Variants in LINGO1 observed in about 807,000 individuals in gnomAD.
The protein encoded by LINGO1 is leucine rich repeat and Ig domain containing 1, also known as leucine-rich repeat and immunoglobulin-like domain-containing nogo receptor-interacting protein 1.
LINGO1 carries 11 observed loss-of-function variants against 37.3 expected under a neutral mutation model. The ratio of observed to expected loss-of-function variants is 0.29; its 90% CI spans 0.19 to 0.49. The LOEUF (loss-of-function observed/expected upper bound fraction) is 0.49. Ranked by LOEUF, LINGO1 falls within the 20% of genes least tolerant of loss-of-function variation. The pLI is 0.99. For synonymous variants in LINGO1, 387 were observed against 403.0 expected, an observed-to-expected ratio of 0.96 and a Z score of 0.48; for missense variants, 585 against 878.2, an observed-to-expected ratio of 0.67 and a Z score of 4.22.
intron 1 of LINGO1, among the ~76,000 whole-genome samples, chr15:77,810,995 C>T (rs866142545): frequency 6.6e-6 from 1 of 152,106 alleles, no homozygotes; most frequent in African/African-American, 2.4e-5. Context: ...TTGAGTTTCA[C>T]TTCCGATCTG....
At chr15:77,701,989 G>T (rs1460367527) in intron 2 of LINGO1, among the ~76,000 whole-genome samples, 2 of 152,188 alleles carry the variant, frequency 1.3e-5, no homozygotes, top group East Asian at 3.8e-4. Context: ...TGAGAGCTAG[G>T]ACCCAAGCCA....
chr15:77,743,576 G>A (rs1302738499), intron 1 of LINGO1, among the ~76,000 whole-genome samples: 1 of 152,142 alleles, frequency 6.6e-6, no homozygotes, highest in Non-Finnish European at 1.5e-5. Context: ...CACAGAGTAG[G>A]GAATGATTTT....
At chr15:77,647,656 A>G (rs1036045928) in intron 3 of LINGO1, among the ~76,000 whole-genome samples, 6 of 152,170 alleles carry the variant, frequency 3.9e-5, no homozygotes, top group African/African-American at 1.4e-4. Flanking sequence ...GGTCAATGGC[A>G]GCCTTGCTGA....
intron 1 of LINGO1, among the ~76,000 whole-genome samples, chr15:77,623,152 C>G (rs554464922): frequency 4.6e-5 from 7 of 152,364 alleles, no homozygotes; most frequent in African/African-American, 1.4e-4. Context: ...CCCAACCTAG[C>G]TCTTAATGAA....
chr15:77,714,838 C>G (rs1422516923), intron 2 of LINGO1, among the ~76,000 whole-genome samples: 1 of 152,248 alleles, frequency 6.6e-6, no homozygotes, highest in Non-Finnish European at 1.5e-5. Flanking sequence ...ATAACTGATA[C>G]CCAGATGACT....
intron 1 of LINGO1, among the ~76,000 whole-genome samples, chr15:77,752,452 C>T (rs2076381351): frequency 6.6e-6 from 1 of 152,212 alleles, no homozygotes; most frequent in Non-Finnish European, 1.5e-5. Flanking sequence ...CAACACAAAT[C>T]GATGGGCAGC....
chr15:77,676,800 G>C (rs1432156093), intron 3 of LINGO1, among the ~76,000 whole-genome samples: 5 of 152,220 alleles, frequency 3.3e-5, no homozygotes, highest in Non-Finnish European at 7.3e-5. Flanking sequence ...GCAACGCTGG[G>C]GTTGCAGGGA....
At chr15:77,661,921 T>A (rs1256858264) in intron 3 of LINGO1, among the ~76,000 whole-genome samples, 2 of 152,192 alleles carry the variant, frequency 1.3e-5, no homozygotes, top group Non-Finnish European at 2.9e-5. Flanking sequence ...ATGCTGTCTC[T>A]GATTCTTTCC....
intron 3 of LINGO1, among the ~76,000 whole-genome samples, chr15:77,658,575 A>G (rs2074918752): frequency 6.6e-6 from 1 of 152,244 alleles, no homozygotes; most frequent in African/African-American, 2.4e-5. Flanking sequence ...GGGACTTCCA[A>G]CAAAAGAAAG....
intron 2 of LINGO1, among the ~76,000 whole-genome samples, chr15:77,726,999 G>A (rs4886903): frequency 0.97 from 147,505 of 152,374 alleles, 71,480 homozygotes; most frequent in African/African-American, 0.99. Context: ...GCTCAGCATC[G>A]CTAATCATCA....
Position 77,807,133 on chromosome 15 carries a change from C to T in LINGO1, c.-457-11080G>A, listed in dbSNP as rs2076966808. Among the ~76,000 whole-genome samples the T allele has an allele frequency of 2.0e-5, 3 of 152,238 alleles. No individual in the cohort carries two copies. The South Asian group carries it at 6.2e-4, about 32-fold the overall frequency. ...ACCCAGTTCATCCCATCTCCTACCC[C>T]TTCTTCAAGGCGCAGTCCAAATGCT... On this transcript the variant is annotated intron_variant, in intron 1 of 5. Transcript: ENST00000562933.
chr15:77,712,631 A>C (rs976701972), intron 2 of LINGO1, among the ~76,000 whole-genome samples: 15 of 152,168 alleles, frequency 9.9e-5, no homozygotes, highest in Middle Eastern at 3.4e-3. Flanking sequence ...CCAACCTGGC[A>C]GTGGCCCCAC....
intron 1 of LINGO1, among the ~76,000 whole-genome samples, chr15:77,804,017 GCATCT>G (rs1214694571): frequency 6.6e-6 from 1 of 152,114 alleles, no homozygotes; most frequent in African/African-American, 2.4e-5. Flanking sequence ...GGAACACCTA[GCATCT>G]CATCCTAGGT....
chr15:77,748,834 C>A (rs2076340551), intron 1 of LINGO1, among the ~76,000 whole-genome samples: 1 of 151,490 alleles, frequency 6.6e-6, no homozygotes, highest in Admixed American at 6.6e-5. Context: ...TAGGCAAGAG[C>A]CACAGTGACT....
chr15:77,708,000 G>A (rs2075873246), intron 2 of LINGO1, among the ~76,000 whole-genome samples: 1 of 152,224 alleles, frequency 6.6e-6, no homozygotes, highest in Non-Finnish European at 1.5e-5. Context: ...CTGTCCCACA[G>A]TTTTGACAGG....
At chr15:77,793,404 A>G (rs909815142) in intron 2 of LINGO1, among the ~76,000 whole-genome samples, 2 of 152,202 alleles carry the variant, frequency 1.3e-5, no homozygotes, top group Admixed American at 1.3e-4. Flanking sequence ...CCAGGAGTTT[A>G]GAGCTTTGCT....
In LINGO1 at chr15:77,705,174, G is replaced by GACACACACAC. The variant is rs72451354; in HGVS notation, c.-194-14283_-194-14274dup. Among the ~76,000 whole-genome samples the GACACACACAC allele has an allele frequency of 9.7e-4, 96 of 99,122 alleles. 1 individual carries two copies. Among genetic ancestry groups the GACACACACAC allele is most frequent in the African/African-American group, 2.9e-3 (77 of 26,510 alleles). The allele number at this position is 99,122 out of a possible 152,430, so 65.0% of individuals were successfully genotyped here. The stretch of plus-strand genomic sequence containing the variant: ...GAAGATACCCCCCTCCCCCTGCCAT[G>GACACACACAC]ACACACACACACACACACACACACA... On this transcript the variant is annotated intron_variant, in intron 2 of 3. Transcript: ENST00000561686.
At chr15:77,717,792 ACC>A (rs1285217363) in intron 2 of LINGO1, among the ~76,000 whole-genome samples, 5 of 150,622 alleles carry the variant, frequency 3.3e-5, no homozygotes, top group African/African-American at 1.2e-4. Flanking sequence ...CACGGCTCAG[ACC>A]CCATTGGATA....
At chr15:77,695,476 C>T (rs1276440589) in intron 1 of LINGO1, among the ~76,000 whole-genome samples, 1 of 152,226 alleles carries the variant, frequency 6.6e-6, no homozygotes, top group Non-Finnish European at 1.5e-5. Flanking sequence ...TGCCATCTGC[C>T]CCTCAGATCT....
Sources: allele counts gnomAD v4.1 joint callset (sites outside exome capture counted in the v4.1 genomes callset), GRCh38; gene constraint gnomAD v4.1.1; transcripts MANE v1.5; gene names NCBI Gene and HGNC (gene_info 2026-07-23, HGNC 2026-07-21).